The following ASIC2 variants were observed in gnomAD, a reference collection of about 807,000 sequenced individuals.
ASIC2 encodes the protein acid sensing ion channel subunit 2, also known as acid-sensing ion channel 2.
ASIC2 carries 25 observed loss-of-function variants against 57.3 expected under a neutral mutation model. The ratio of observed to expected loss-of-function variants is 0.44; its 90% confidence interval spans 0.32 to 0.61. The LOEUF is 0.61. Ranked by LOEUF, ASIC2 falls within the 20% of genes least tolerant of loss-of-function variation. The pLI is 0.06. For synonymous variants in ASIC2, 319 were observed against 307.5 expected, an observed-to-expected ratio of 1.04 and a Z score of -0.39; for missense variants, 641 against 738.1, an observed-to-expected ratio of 0.87 and a Z score of 1.52.
chr17:33,918,983 C>G (rs889695446), intron 1 of ASIC2, among the ~76,000 whole-genome samples: 2 of 152,196 alleles, frequency 1.3e-5, no homozygotes, highest in African/African-American at 4.8e-5. Flanking sequence ...CAGTCTATCT[C>G]TCCTGCTTTG....
intron 1 of ASIC2, among the ~76,000 whole-genome samples, chr17:33,253,367 GCAC>G: frequency 6.6e-6 from 1 of 152,110 alleles, no homozygotes; most frequent in Non-Finnish European, 1.5e-5. Context: ...ATGTGTGCAT[GCAC>G]GTATATGCAC....
intron 1 of ASIC2, among the ~76,000 whole-genome samples, chr17:33,717,774 C>A (rs1033892877): frequency 1.3e-5 from 2 of 152,128 alleles, no homozygotes; most frequent in African/African-American, 4.8e-5. Flanking sequence ...GGCCTCCTCT[C>A]TAGGATGTGG....
chr17:33,364,789 T>C (rs771262329), intron 1 of ASIC2, among the ~76,000 whole-genome samples: 4 of 152,320 alleles, frequency 2.6e-5, no homozygotes, highest in Non-Finnish European at 5.9e-5. Context: ...ACTAATATAA[T>C]GTCTTTACAG....
intron 1 of ASIC2, among the ~76,000 whole-genome samples, chr17:34,044,275 T>C (rs1308401403): frequency 6.6e-6 from 1 of 152,148 alleles, no homozygotes; most frequent in Non-Finnish European, 1.5e-5. Context: ...AGCGTAATTA[T>C]ATCCCCAGAG....
chr17:33,082,398 A>T (rs1368831356), intron 3 of ASIC2, among the ~76,000 whole-genome samples: 1 of 152,092 alleles, frequency 6.6e-6, no homozygotes, highest in East Asian at 1.9e-4. Context: ...GGCTTCTGAT[A>T]TCAAATCATG....
At chr17:33,677,903 G>A (rs561959372) in intron 1 of ASIC2, among the ~76,000 whole-genome samples, 14 of 152,320 alleles carry the variant, frequency 9.2e-5, no homozygotes, top group African/African-American at 3.4e-4. Context: ...GCAGCAGCAG[G>A]GTTTGAGAAG....
chr17:33,565,330 C>A (rs1420335908), intron 1 of ASIC2, among the ~76,000 whole-genome samples: 2 of 152,160 alleles, frequency 1.3e-5, no homozygotes, highest in Non-Finnish European at 2.9e-5. Flanking sequence ...TATTCAAATT[C>A]TCATTTTACA....
intron 1 of ASIC2, among the ~76,000 whole-genome samples, chr17:33,625,129 G>GTCTGTCTATCTATCTATCTA (rs1555548113): frequency 2.9e-4 from 42 of 146,442 alleles, no homozygotes; most frequent in African/African-American, 5.2e-4. Context: ...TGGCCTCTCT[G>GTCTGTCTATCTATCTATCTA]TCTATCTATC....
chr17:33,828,210 A>G (rs1028017747), intron 1 of ASIC2: 1 of 152,246 alleles, frequency 6.6e-6, no homozygotes, highest in African/African-American at 2.4e-5. Flanking sequence ...TTATACCCAA[A>G]GGATTATAAA....
chr17:33,502,519 G>A (rs974709268), intron 1 of ASIC2, among the ~76,000 whole-genome samples: 5 of 152,214 alleles, frequency 3.3e-5, no homozygotes, highest in Non-Finnish European at 7.3e-5. Flanking sequence ...TCCAGGGAAA[G>A]GGCAAGGGCA....
chr17:33,827,643 T>G (rs1039416477), intron 1 of ASIC2: 2 of 152,084 alleles, frequency 1.3e-5, no homozygotes, highest in African/African-American at 4.8e-5. Flanking sequence ...AGAGCCCAGC[T>G]GCAGCTCACT....
At chr17:33,575,290 C>A (rs749429947) in intron 1 of ASIC2, among the ~76,000 whole-genome samples, 9 of 152,122 alleles carry the variant, frequency 5.9e-5, no homozygotes, top group African/African-American at 2.2e-4. Context: ...AAGCATTCGA[C>A]GATTCATGTA....
At chr17:33,465,398 A>C (rs1597738193) in intron 1 of ASIC2, among the ~76,000 whole-genome samples, 1 of 109,476 alleles carries the variant, frequency 9.1e-6, no homozygotes, top group Non-Finnish European at 1.7e-5. Context: ...TTTGAGATGG[A>C]GTCTCACTCT....
In ASIC2 at chr17:34,006,186, G is replaced by A. The variant is rs573705037; in HGVS notation, c.555+149792C>T. The A allele has an allele frequency of 5.9e-5, 9 of 152,372 alleles. No homozygotes were observed. The South Asian group carries it at 1.9e-3, about 32-fold the overall frequency. 9.4% of individuals were successfully genotyped at this position (152,372 alleles called of 1,614,324 possible). On this transcript the variant is annotated intron_variant, in intron 1 of 9. Transcript: ENST00000359872. ...GGATTCTCCTAAGAGGCTTCTCTGA[G>A]GCGATGGCATTTAAAGCTGAAGTGT...
At chr17:33,330,605 C>T (rs1310513840) in intron 1 of ASIC2, among the ~76,000 whole-genome samples, 2 of 152,200 alleles carry the variant, frequency 1.3e-5, no homozygotes, top group African/African-American at 4.8e-5. Flanking sequence ...AGCCAGCATT[C>T]AGACCTGTCT....
chr17:33,247,573 A>G (rs555595344), intron 1 of ASIC2, among the ~76,000 whole-genome samples: 1 of 152,364 alleles, frequency 6.6e-6, no homozygotes, highest in African/African-American at 2.4e-5. Flanking sequence ...GACAATGGAC[A>G]AAGAGAACAA....
At chr17:33,034,856 G>A (rs2091902473) in intron 3 of ASIC2, among the ~76,000 whole-genome samples, 1 of 152,086 alleles carries the variant, frequency 6.6e-6, no homozygotes, top group Non-Finnish European at 1.5e-5. Context: ...CTGGATCTAT[G>A]AAATGATGCT....
At chr17:33,978,509 T>C (rs1905477829) in intron 1 of ASIC2, among the ~76,000 whole-genome samples, 2 of 152,234 alleles carry the variant, frequency 1.3e-5, no homozygotes, top group Non-Finnish European at 2.9e-5. Flanking sequence ...CCAGGTTACT[T>C]TCCTATACAG....
At chr17:33,684,877 T>C (rs561329548) in intron 1 of ASIC2, among the ~76,000 whole-genome samples, 98 of 152,278 alleles carry the variant, frequency 6.4e-4, no homozygotes, top group African/African-American at 2.3e-3. Context: ...CATTGTGTTC[T>C]GTACGGAGCT....
Sources: allele counts gnomAD v4.1 joint callset (sites outside exome capture counted in the v4.1 genomes callset), GRCh38; gene constraint gnomAD v4.1.1; transcripts MANE v1.5; gene names NCBI Gene and HGNC (gene_info 2026-07-23, HGNC 2026-07-21).